Variants in DLGAP1 observed in about 807,000 individuals in gnomAD.
DLGAP1 encodes DLG associated protein 1.
A neutral mutation model predicts 90.8 loss-of-function variants in DLGAP1; 11 were observed. That is an observed-to-expected ratio of 0.12 (90% CI 0.08 to 0.20). The LOEUF is 0.20. Ranked by LOEUF, DLGAP1 falls within the 10% of genes least tolerant of loss-of-function variation. The pLI is 1.00. For missense variants in DLGAP1, 1,050 were observed against 1,333.8 expected (o/e 0.79, Z 3.31); for synonymous variants, 558 against 540.7 (o/e 1.03, Z -0.44).
At position 4,044,987 on chromosome 18, in the gene DLGAP1, CA is replaced by C. The variant is rs1346259580; in HGVS notation, c.-158-39787del. Among the ~76,000 whole-genome samples, 3 of 152,060 alleles carry C rather than the reference CA, an allele frequency of 2.0e-5. No individual in the cohort carries two copies. In the East Asian group the frequency reaches 5.8e-4, roughly 29 times the overall value. Reference sequence around the variant, plus strand: ...TCTTCCCATAGAGGAAACAACCCAGCAAACACCAAGATAAACCAAAGAACAA... The same window carrying C: ...TCTTCCCATAGAGGAAACAACCCAGCAACACCAAGATAAACCAAAGAACAA... On this transcript the variant is annotated intron_variant, in intron 2 of 12. Transcript: ENST00000315677.
At chr18:4,442,527 T>C (rs185231088) in intron 1 of DLGAP1, among the ~76,000 whole-genome samples, 2 of 152,326 alleles carry the variant, frequency 1.3e-5, no homozygotes, top group Admixed American at 6.5e-5. Context: ...CGCAGTAGAT[T>C]ACCTGGGGTT....
At chr18:3,604,559 A>G (rs893792082) in intron 7 of DLGAP1, among the ~76,000 whole-genome samples, 5 of 151,992 alleles carry the variant, frequency 3.3e-5, no homozygotes, top group Non-Finnish European at 5.9e-5. Flanking sequence ...TCAGTACACG[A>G]TCCCTTTATC....
intron 2 of DLGAP1, among the ~76,000 whole-genome samples, chr18:4,057,004 T>TACACACACACACAC (rs55887550): frequency 2.6e-5 from 3 of 115,020 alleles, no homozygotes; most frequent in South Asian, 3.5e-4. Flanking sequence ...TGACCATACA[T>TACACACACACACAC]ACACACACAC....
At chr18:3,668,427 C>A (rs966689252) in intron 7 of DLGAP1, among the ~76,000 whole-genome samples, 1 of 152,142 alleles carries the variant, frequency 6.6e-6, no homozygotes, top group Non-Finnish European at 1.5e-5. Context: ...ATCCTCCCCC[C>A]TCAGCCTCCA....
intron 2 of DLGAP1, among the ~76,000 whole-genome samples, chr18:4,034,029 G>A (rs1032790804): frequency 7.7e-5 from 11 of 142,268 alleles, no homozygotes; most frequent in African/African-American, 2.6e-4. Context: ...GAGCCACCGC[G>A]CCCGGCCCTT....
At chr18:4,301,201 T>C (rs1462055080) in intron 1 of DLGAP1, among the ~76,000 whole-genome samples, 3 of 152,158 alleles carry the variant, frequency 2.0e-5, no homozygotes, top group South Asian at 2.1e-4. Context: ...ATATTCACGA[T>C]GCTATGCAAT....
intron 4 of DLGAP1, among the ~76,000 whole-genome samples, chr18:3,833,130 A>ATTCCTTCCTTCCTTCC (rs55783238): frequency 9.3e-6 from 1 of 107,400 alleles, no homozygotes; most frequent in African/African-American, 3.6e-5. Flanking sequence ...GAATTATAAG[A>ATTCCTTCCTTCCTTCC]TTCCTTCCTT....
intron 6 of DLGAP1, among the ~76,000 whole-genome samples, chr18:3,741,029 C>CACCACCACCAT (rs2062914571): frequency 1.1e-5 from 1 of 88,770 alleles, no homozygotes; most frequent in South Asian, 3.7e-4. Flanking sequence ...ACCACCACCA[C>CACCACCACCAT]CACCACCATC....
rs1555672886 is a variant in DLGAP1, at chr18:3,794,430, C to CA, written c.1172+19628dup. ...TTTCTGACTTCAAAACTCTCCGTGT[C>CA]AAAGTCTTGCTCTTACTACCTTGTT... On this transcript the variant is annotated intron_variant, in intron 5 of 12. Transcript: ENST00000315677. Among the ~76,000 whole-genome samples, 978 of 152,060 alleles carry CA rather than the reference C, an allele frequency of 6.4e-3. 11 individuals carry two copies. Among genetic ancestry groups the CA allele is most frequent in the Middle Eastern group, 0.021 (6 of 290 alleles).
chr18:4,388,023 T>A (rs2082270819), intron 1 of DLGAP1, among the ~76,000 whole-genome samples: 1 of 151,684 alleles, frequency 6.6e-6, no homozygotes, highest in Non-Finnish European at 1.5e-5. Flanking sequence ...CTCAGGAAAT[T>A]GGACTGTTCT....
At chr18:3,670,087 A>G (rs1265445410) in intron 7 of DLGAP1, among the ~76,000 whole-genome samples, 2 of 152,206 alleles carry the variant, frequency 1.3e-5, no homozygotes, top group African/African-American at 2.4e-5. Flanking sequence ...AAAAGAGTAT[A>G]TTGTTTTACA....
intron 1 of DLGAP1, among the ~76,000 whole-genome samples, chr18:4,158,857 A>G (rs1338938057): frequency 6.6e-6 from 1 of 152,194 alleles, no homozygotes; most frequent in Non-Finnish European, 1.5e-5. Context: ...GATACTTTAG[A>G]GGGATATTAA....
At chr18:3,842,614 C>T (rs1377431484) in intron 4 of DLGAP1, among the ~76,000 whole-genome samples, 7 of 149,468 alleles carry the variant, frequency 4.7e-5, no homozygotes, top group African/African-American at 1.7e-4. Flanking sequence ...TTCATTCATT[C>T]AACTAACTTT....
intron 3 of DLGAP1, among the ~76,000 whole-genome samples, chr18:3,988,993 T>C (rs2073906056): frequency 6.6e-6 from 1 of 152,138 alleles, no homozygotes; most frequent in Non-Finnish European, 1.5e-5. Flanking sequence ...TTCCAGAACA[T>C]GAGGTTATGG....
At chr18:3,881,154 T>C (rs2071157659) in intron 3 of DLGAP1, among the ~76,000 whole-genome samples, 3 of 152,002 alleles carry the variant, frequency 2.0e-5, no homozygotes, top group Admixed American at 2.0e-4. Context: ...GATGGAGTTT[T>C]TGCTCTGTTG....
chr18:4,416,733 A>G (rs915638732), intron 1 of DLGAP1, among the ~76,000 whole-genome samples: 2 of 152,192 alleles, frequency 1.3e-5, no homozygotes, highest in African/African-American at 4.8e-5. Flanking sequence ...AATATGCATT[A>G]ATCAAAAAGT....
chr18:3,757,237 AT>A (rs1269823076), intron 5 of DLGAP1, among the ~76,000 whole-genome samples: 4 of 151,888 alleles, frequency 2.6e-5, no homozygotes, highest in African/African-American at 7.3e-5. Context: ...GCGAAACCCC[AT>A]CTCTACTAAA....
At chr18:4,308,451 G>A (rs1340240411) in intron 1 of DLGAP1, among the ~76,000 whole-genome samples, 2 of 152,148 alleles carry the variant, frequency 1.3e-5, no homozygotes, top group Non-Finnish European at 2.9e-5. Context: ...ATTACAAGCT[G>A]TAATAGCTCC....
chr18:3,845,264 T>C (rs780706823), intron 4 of DLGAP1: 1 of 1,613,004 alleles, frequency 6.2e-7, no homozygotes, highest in Non-Finnish European at 8.5e-7. Context: ...AGAATGTCTT[T>C]ATGGAAAATT....
Sources: allele counts gnomAD v4.1 joint callset (sites outside exome capture counted in the v4.1 genomes callset), GRCh38; gene constraint gnomAD v4.1.1; transcripts MANE v1.5; gene names NCBI Gene and HGNC (gene_info 2026-07-23, HGNC 2026-07-21).